PRKG1: variants seen among roughly 807,000 people sequenced by gnomAD.
PRKG1 encodes the protein cGMP-dependent protein kinase 1.
A neutral mutation model predicts 88.1 loss-of-function variants in PRKG1; 35 were observed. That is an observed-to-expected ratio of 0.40 (90% confidence interval 0.30 to 0.53). PRKG1 has a LOEUF of 0.53. Ranked by LOEUF, PRKG1 falls within the 20% of genes least tolerant of loss-of-function variation. The pLI is 0.59. For synonymous variants in PRKG1, 303 were observed against 292.5 expected (o/e 1.04, Z -0.37); for missense variants, 540 against 839.8 (o/e 0.64, Z 4.41).
chr10:51,938,062 T>C (rs1842832595), intron 5 of PRKG1, among the ~76,000 whole-genome samples: 1 of 152,042 alleles, frequency 6.6e-6, no homozygotes, highest in African/African-American at 2.4e-5. Flanking sequence ...CTGAAGCAGA[T>C]GATCTTTCTT....
intron 9 of PRKG1, among the ~76,000 whole-genome samples, chr10:52,218,498 T>G (rs1840168784): frequency 6.6e-6 from 1 of 152,150 alleles, no homozygotes; most frequent in South Asian, 2.1e-4. Flanking sequence ...ATGACCCAAT[T>G]TCTTTTTGAT....
intron 3 of PRKG1, among the ~76,000 whole-genome samples, chr10:51,486,119 G>A (rs955416247): frequency 9.2e-5 from 14 of 151,850 alleles, no homozygotes; most frequent in African/African-American, 2.2e-4. Flanking sequence ...TTTTGTTTGC[G>A]ATAAGAACAC....
chr10:51,323,089 C>T (rs149298715), intron 2 of PRKG1, among the ~76,000 whole-genome samples: 138 of 152,128 alleles, frequency 9.1e-4, no homozygotes, highest in African/African-American at 3.2e-3. Flanking sequence ...ATGTTAACAA[C>T]AAAATGAAGA....
chr10:51,379,431 C>CA (rs937264449), intron 2 of PRKG1, among the ~76,000 whole-genome samples: 3 of 152,054 alleles, frequency 2.0e-5, no homozygotes, highest in African/African-American at 7.2e-5. Context: ...GCATAAGAAG[C>CA]AAAATATCCA....
intron 10 of PRKG1, among the ~76,000 whole-genome samples, chr10:52,270,834 G>A (rs971093676): frequency 1.1e-4 from 16 of 151,360 alleles, no homozygotes; most frequent in East Asian, 1.9e-4. Context: ...ACAAACCTGC[G>A]CGTTGTACAC....
chr10:51,388,564 G>A (rs1003471010), intron 2 of PRKG1, among the ~76,000 whole-genome samples: 25 of 152,288 alleles, frequency 1.6e-4, no homozygotes, highest in African/African-American at 5.3e-4. Flanking sequence ...TAGCTTTTCA[G>A]TAAAAGGGCA....
chr10:51,613,894 C>CT (rs1333710721), intron 3 of PRKG1, among the ~76,000 whole-genome samples: 1 of 151,610 alleles, frequency 6.6e-6, no homozygotes, highest in Admixed American at 6.6e-5. Flanking sequence ...GACTTCTTTT[C>CT]TTTTTTTGGC....
chr10:52,277,088 A>G (rs1841889492), intron 12 of PRKG1, among the ~76,000 whole-genome samples: 1 of 152,216 alleles, frequency 6.6e-6, no homozygotes. Flanking sequence ...ACTCAAAACC[A>G]GAGAAAACTG....
intron 2 of PRKG1, among the ~76,000 whole-genome samples, chr10:51,277,385 T>C (rs528054106): frequency 1.3e-5 from 2 of 152,314 alleles, no homozygotes; most frequent in East Asian, 3.9e-4. Context: ...TAGTTTGAAG[T>C]CAGGTAGCAT....
At chr10:51,408,170 A>T (rs1837978059) in intron 2 of PRKG1, among the ~76,000 whole-genome samples, 1 of 152,136 alleles carries the variant, frequency 6.6e-6, no homozygotes, top group Non-Finnish European at 1.5e-5. Context: ...CATATATTGG[A>T]TGCTGATTCA....
chr10:52,184,020 G>A (rs1054418576), intron 9 of PRKG1, among the ~76,000 whole-genome samples: 5 of 152,182 alleles, frequency 3.3e-5, no homozygotes, highest in African/African-American at 1.2e-4. Context: ...CCTCCCTGCT[G>A]CCCTCCTGGG....
chr10:51,374,093 A>AAAAAATATATAT, intron 2 of PRKG1, among the ~76,000 whole-genome samples: 72 of 100,184 alleles, frequency 7.2e-4, no homozygotes, highest in African/African-American at 2.1e-3. Flanking sequence ...AAAAAAAAAA[A>AAAAAATATATAT]ATATATATAT....
At chr10:51,262,079 G>A (rs1231665079) in intron 2 of PRKG1, among the ~76,000 whole-genome samples, 1 of 151,444 alleles carries the variant, frequency 6.6e-6, no homozygotes, top group African/African-American at 2.4e-5. Context: ...GTAGAGACGG[G>A]GTTTCACTGT....
chr10:51,916,405 C>T (rs1394461779), intron 5 of PRKG1, among the ~76,000 whole-genome samples: 8 of 152,138 alleles, frequency 5.3e-5, no homozygotes, highest in East Asian at 1.9e-4. Context: ...GGTGTAAAAA[C>T]GGAAGGTATG....
At chr10:51,641,248 A>G (rs1318267258) in intron 3 of PRKG1, among the ~76,000 whole-genome samples, 1 of 152,140 alleles carries the variant, frequency 6.6e-6, no homozygotes, top group Non-Finnish European at 1.5e-5. Context: ...GCCGCTCTCA[A>G]GAGTTCATGA....
intron 1 of PRKG1, among the ~76,000 whole-genome samples, chr10:51,118,293 A>G (rs144213033): frequency 6.6e-6 from 1 of 152,336 alleles, no homozygotes; most frequent in Non-Finnish European, 1.5e-5. Context: ...CTTCCTGTGC[A>G]AAAGCAGATT....
chr10:52,288,782 T>A lies in PRKG1; in HGVS notation c.1766T>A (p.Ile589Asn). ...MKTYNIILRG[I>N]DMIEFPKKIA... The stretch of plus-strand genomic sequence containing the variant: ...ACCTATAACATCATATTGAGGGGGA[T>A]TGACATGATAGAATTTCCAAAGAAG... The change falls in exon 15 of 18, where the codon ATT (isoleucine) becomes AAT (asparagine). Residue 589 changes from isoleucine to asparagine, a missense_variant. Transcript: ENST00000373980. 1 of 1,606,892 alleles carries A rather than the reference T, an allele frequency of 6.2e-7. No individual in the cohort carries two copies.
chr10:51,899,111 TA>T (rs1841921512), intron 4 of PRKG1, among the ~76,000 whole-genome samples: 1 of 152,176 alleles, frequency 6.6e-6, no homozygotes, highest in African/African-American at 2.4e-5. Context: ...TAAGTTTTAG[TA>T]TCTTCTCTTA....
chr10:51,933,869 T>G (rs1842745630), intron 5 of PRKG1, among the ~76,000 whole-genome samples: 1 of 152,124 alleles, frequency 6.6e-6, no homozygotes. Flanking sequence ...AGTCACAATC[T>G]CTATACAAGC....
Sources: allele counts gnomAD v4.1 joint callset (sites outside exome capture counted in the v4.1 genomes callset), GRCh38; gene constraint gnomAD v4.1.1; transcripts MANE v1.5; gene names NCBI Gene and HGNC (gene_info 2026-07-23, HGNC 2026-07-21).